The following ZFPM1 variants were observed in gnomAD, a reference collection of about 807,000 sequenced individuals.
ZFPM1 encodes zinc finger protein ZFPM1.
In ZFPM1, 28 loss-of-function variants were observed where a neutral mutation model predicts 46.3. That is an observed-to-expected ratio of 0.60 (90% CI 0.45 to 0.83). The LOEUF (loss-of-function observed/expected upper bound fraction) is 0.83. Among genes scored for constraint, ZFPM1 ranks in the 40% least tolerant of loss-of-function variants. The pLI is 0.00. For synonymous variants in ZFPM1, 957 were observed against 675.9 expected (o/e 1.42, Z -6.45); for missense variants, 1,878 against 1,432.4 (o/e 1.31, Z -5.02).
Position 88,480,494 on chromosome 16 carries a change from GC to G in ZFPM1, c.41-5441del, listed in dbSNP as rs1908883940. On this transcript the variant is annotated intron_variant, in intron 1 of 9. Coordinates refer to ENST00000319555, the MANE Select transcript of ZFPM1 (RefSeq NM_153813.3). This position sits in a 1 kb window ranked among gnomAD's most constrained non-coding sequence, Gnocchi z 4.9. ...GCCGTGTGGCTGCCAGTGGTCACCC[GC>G]CCCACCAGCTGCTCACATGGGGCCT... is the stretch of plus-strand genomic sequence containing the variant. Among the ~76,000 whole-genome samples, 1 of 152,202 alleles carries G rather than the reference GC, an allele frequency of 6.6e-6. No homozygotes were observed. The highest frequency in any genetic ancestry group is 1.5e-5 in the Non-Finnish European group (1 of 68,022).
chr16:88,530,227 G>A (rs1294441433), intron 6 of ZFPM1, among the ~76,000 whole-genome samples: 1 of 152,198 alleles, frequency 6.6e-6, no homozygotes, highest in East Asian at 1.9e-4. Context: ...GGGACAGCAG[G>A]CTGGTGAGGG....
chr16:88,527,017 C>G (rs1042378122), intron 5 of ZFPM1, 101 bp downstream of exon 5: 4 of 1,469,742 alleles, frequency 2.7e-6, no homozygotes, highest in African/African-American at 1.4e-5. Context: ...CCTGCTAGGG[C>G]AGGGGATGGG....
chr16:88,531,630 G>A (rs560229097), intron 6 of ZFPM1, among the ~76,000 whole-genome samples: 29 of 152,268 alleles, frequency 1.9e-4, no homozygotes, highest in African/African-American at 6.3e-4. Context: ...CTCTTCCACG[G>A]CCTCCCGGGT....
intron 2 of ZFPM1, among the ~76,000 whole-genome samples, 165 bp downstream of exon 2, chr16:88,486,208 G>T (rs574397888): frequency 1.8e-4 from 28 of 152,340 alleles, no homozygotes; most frequent in African/African-American, 6.7e-4. Flanking sequence ...GGAGGCCCTC[G>T]GTGGGGCTGG....
intron 3 of ZFPM1, among the ~76,000 whole-genome samples, chr16:88,495,046 G>A (rs527761999): frequency 2.6e-5 from 4 of 152,320 alleles, no homozygotes; most frequent in East Asian, 1.9e-4. Flanking sequence ...CAGCTCGGCC[G>A]TGGCTCATCC....
intron 1 of ZFPM1, among the ~76,000 whole-genome samples, chr16:88,473,651 C>G (rs76796676): frequency 3.9e-5 from 6 of 152,132 alleles, no homozygotes; most frequent in African/African-American, 1.4e-4. Flanking sequence ...CCGCGGCCCC[C>G]GCCCCATCTA....
chr16:88,531,823 G>A (rs1389612695), intron 6 of ZFPM1, among the ~76,000 whole-genome samples, 179 bp from the exon 7 acceptor site: 1 of 152,204 alleles, frequency 6.6e-6, no homozygotes, highest in African/African-American at 2.4e-5. Flanking sequence ...ACGGAAGGGA[G>A]TGGGGCTGTC....
Position 88,532,597 on chromosome 16 carries a change from C to G in ZFPM1, c.947-17C>G, listed in dbSNP as rs1287519231. The stretch of plus-strand genomic sequence containing the variant: ...TAAGCTGGCCCGGGCACCGCTCTTA[C>G]GCGCCCTGTGTTCCAGGAGAGCGGC... On this transcript the variant is annotated splice_polypyrimidine_tract_variant and intron_variant, in intron 7 of 9. Coordinates refer to ENST00000319555, the MANE Select transcript of ZFPM1 (RefSeq NM_153813.3). 4 of 1,553,528 alleles carry G rather than the reference C, an allele frequency of 2.6e-6. No individual in the cohort carries two copies. The highest frequency in any genetic ancestry group is 3.5e-6 in the Non-Finnish European group (4 of 1,148,222).
chr16:88,534,314 T>C lies in ZFPM1; in HGVS notation c.2356T>C (p.Ser786Pro), dbSNP rs1913093020. 8.4e-6 allele frequency: 11 copies of C among 1,309,282 alleles called. No individual in the cohort carries two copies. The highest frequency in any genetic ancestry group is 1.1e-5 in the Non-Finnish European group (11 of 1,031,942). 81.1% of individuals were successfully genotyped at this position (1,309,282 alleles called of 1,614,324 possible). Residue 786 changes from serine to proline, a missense_variant, in exon 10 of 10, where the codon TCG becomes CCG. Coordinates refer to ENST00000319555, the MANE Select transcript of ZFPM1 (RefSeq NM_153813.3). ...CGGCCCCGGCCTCGCCCCTGCGCGC[T>C]CGCCCGGCCCCGCGGCCGACGGCCC... ...GSGPGLAPARSPGPAADGPID... is the reference protein window; with the variant it reads ...GSGPGLAPARPPGPAADGPID...
In ZFPM1 at chr16:88,453,507, C is replaced by T; in HGVS notation, c.-132C>T. On this transcript the variant is annotated 5_prime_UTR_variant, in exon 1 of 10. Transcript: ENST00000319555. ...GGGCTGGGCGCGCGGGCTGGGGGCG[C>T]GGGCCGGGGCGGCCGCGGAGACCGG... 6.4e-6 allele frequency: 2 copies of T among 310,896 alleles called. No individual in the cohort carries two copies. The highest frequency in any genetic ancestry group is 2.6e-4 in the South Asian group (2 of 7,796). The allele number at this position is 310,896 out of a possible 1,614,324, so 19.3% of individuals were successfully genotyped here. A position where few individuals can be genotyped will look rare whatever the true frequency, so the allele number is the denominator to read the frequency against.
Position 88,534,593 on chromosome 16 carries a change from C to T in ZFPM1, c.2635C>T (p.Leu879=). The T allele has an allele frequency of 8.1e-7, 1 of 1,240,154 alleles. No individual in the cohort carries two copies. The highest frequency in any genetic ancestry group is 1.0e-6 in the Non-Finnish European group (1 of 989,374). 76.8% of individuals were successfully genotyped at this position (1,240,154 alleles called of 1,614,324 possible). The change falls in exon 10 of 10, where the codon CTG becomes TTG. Residue 879 remains leucine, a synonymous_variant. Transcript: ENST00000319555. ...GGAGCATTTCCGCCTGGCGCACGGC[C>T]TGCTGCTCGGCGCGCCCCTGGCCGG... is the stretch of plus-strand genomic sequence containing the variant. ...LLEHFRLAHG[L]LLGAPLAGPG...
chr16:88,485,195 T>C (rs1199098932), intron 1 of ZFPM1, among the ~76,000 whole-genome samples: 1 of 152,146 alleles, frequency 6.6e-6, no homozygotes. Flanking sequence ...GGATGGACGC[T>C]GGGCCTACAG....
At chr16:88,528,382 C>A in intron 6 of ZFPM1, 144 bp downstream of exon 6, 1 of 984,754 alleles carries the variant, frequency 1.0e-6, no homozygotes, top group Non-Finnish European at 1.5e-6. Context: ...AAGGAGGTGA[C>A]GTGGGTGGTC....
chr16:88,528,344 T>A (rs1037878994), intron 6 of ZFPM1, 106 bp downstream of exon 6: 2 of 1,274,106 alleles, frequency 1.6e-6, no homozygotes, highest in Non-Finnish European at 2.1e-6. Context: ...GGCTGCAGGC[T>A]GCCGACAGAG....
Position 88,528,096 on chromosome 16 carries a change from C to T in ZFPM1, c.570C>T (p.Leu190=). The T allele has an allele frequency of 6.3e-7, 1 of 1,577,014 alleles. No homozygotes were observed. Among genetic ancestry groups the T allele is most frequent in the South Asian group, 1.2e-5 (1 of 86,652 alleles). The part of the protein sequence containing the change: ...VPAGGLLSVL[L]TAEPHSTPGH... ...CGGGGGGACTCCTGAGCGTGCTCCT[C>T]ACGGCCGAGCCCCACAGCACCCCCG... The change falls in exon 6 of 10, where the codon CTC becomes CTT. Residue 190 remains leucine, a synonymous_variant. Transcript: ENST00000319555.
intron 4 of ZFPM1, among the ~76,000 whole-genome samples, chr16:88,518,314 T>C (rs1165854372): frequency 6.7e-6 from 1 of 150,112 alleles, no homozygotes; most frequent in East Asian, 2.0e-4. Context: ...GATGGATGGA[T>C]AGATGTATGG....
At chr16:88,478,523 G>A (rs959721564) in intron 1 of ZFPM1, among the ~76,000 whole-genome samples, 4 of 152,266 alleles carry the variant, frequency 2.6e-5, no homozygotes, top group African/African-American at 9.6e-5. Flanking sequence ...TCGCTGTCAC[G>A]GTTGCCCGTC....
Position 88,485,186 on chromosome 16 carries a change from G to C in ZFPM1, c.41-753G>C, listed in dbSNP as rs146365875. ...TGGCGACGGCGACCCTCAGGGCCTG[G>C]ATGGACGCTGGGCCTACAGTACAGG... is the stretch of plus-strand genomic sequence containing the variant. On this transcript the variant is annotated intron_variant, in intron 1 of 9. Transcript: ENST00000319555. Among the ~76,000 whole-genome samples the C allele has an allele frequency of 5.3e-3, 803 of 152,306 alleles. 5 individuals carry two copies. Among genetic ancestry groups the C allele is most frequent in the African/African-American group, 0.018 (759 of 41,562 alleles).
intron 3 of ZFPM1, among the ~76,000 whole-genome samples, chr16:88,505,807 G>C (rs1910622299): frequency 6.6e-6 from 1 of 152,156 alleles, no homozygotes; most frequent in Admixed American, 6.5e-5. Flanking sequence ...TGGAGGATGG[G>C]CACATAGGGC....
Sources: gnomAD v4.1 joint callset for allele counts (sites outside exome capture counted in the v4.1 genomes callset) on GRCh38, gnomAD v4.1.1 for gene constraint, Gnocchi (gnomAD v3.1) non-coding constraint, MANE v1.5 for transcripts, NCBI Gene and HGNC (gene_info 2026-07-23, HGNC 2026-07-21) for gene names.